Variants in NCAPD3 observed in about 807,000 individuals in gnomAD.
The protein encoded by NCAPD3 is non-SMC condensin II complex subunit D3.
Under a neutral mutation model 182.9 loss-of-function variants are expected in NCAPD3, and 105 were observed. That is an observed-to-expected ratio of 0.57 (90% confidence interval 0.49 to 0.68). NCAPD3 has a LOEUF of 0.68. NCAPD3 is among the 30% of genes least tolerant of loss of function. The pLI, the probability that NCAPD3 is intolerant of heterozygous loss-of-function variation, is 0.00. For missense variants in NCAPD3, 1,944 were observed against 1,837.0 expected (o/e 1.06, Z -1.07); for synonymous variants, 815 against 679.9 (o/e 1.20, Z -3.09).
chr11:134,209,478 C>T lies in NCAPD3; in HGVS notation c.568-1G>A, dbSNP rs1450639079. 6.2e-7 allele frequency: 1 copy of T among 1,608,196 alleles called. No individual in the cohort carries two copies. The highest frequency in any genetic ancestry group is 8.5e-7 in the Non-Finnish European group (1 of 1,177,918). On this transcript the variant is annotated splice_acceptor_variant, in intron 4 of 34. Coordinates refer to ENST00000534548, the MANE Select transcript of NCAPD3 (RefSeq NM_015261.3). LOFTEE classifies it high-confidence loss of function. ...CTTGTTCTTCTATAATTTCATCCAT[C>T]TAGATTATGAAGAAATGTACAGGTG...
intron 27 of NCAPD3, among the ~76,000 whole-genome samples, chr11:134,167,412 G>C (rs1411672452): frequency 8.2e-6 from 1 of 121,426 alleles, no homozygotes; most frequent in Non-Finnish European, 1.7e-5. Context: ...ACTCACTTGT[G>C]AGATGAGCTT....
chr11:134,157,142 A>T, intron 31 of NCAPD3, 47 bp from the exon 32 acceptor site: 3 of 1,455,980 alleles, frequency 2.1e-6, no homozygotes, highest in Non-Finnish European at 2.9e-6. Flanking sequence ...CCAAACAATA[A>T]CGAAGAGCAA....
chr11:134,156,718 C>T (rs1407817258), intron 32 of NCAPD3, among the ~76,000 whole-genome samples: 1 of 152,316 alleles, frequency 6.6e-6, no homozygotes, highest in Non-Finnish European at 1.5e-5. Context: ...GGGCCGCCTC[C>T]AGAAGGCACC....
chr11:134,209,474 C>A lies in NCAPD3; in HGVS notation c.571G>T (p.Asp191Tyr). The A allele has an allele frequency of 6.2e-7, 1 of 1,609,054 alleles. No individual in the cohort carries two copies. ...KPPRREDIEM[D>Y]EIIEEQEDEN... ...TCTTCTTGTTCTTCTATAATTTCAT[C>A]CATCTAGATTATGAAGAAATGTACA... The change falls in exon 5 of 35, where the codon GAT becomes TAT. Residue 191 changes from aspartate to tyrosine, a missense_variant. Transcript: ENST00000534548.
chr11:134,168,592 G>A lies in NCAPD3; in HGVS notation c.3250C>T (p.Leu1084=), dbSNP rs374207454. 6.8e-6 allele frequency: 11 copies of A among 1,613,982 alleles called. No homozygotes were observed. Among genetic ancestry groups the A allele is most frequent in the Non-Finnish European group, 9.3e-6 (11 of 1,180,026 alleles). ...KFPQSEREKR[L]FSLKGKSNKE... ...TTTGACTTTCCCTTCAATGAAAACA[G>A]CCGCTTCTCTCTGTGGCAGAACGGG... The change falls in exon 26 of 35, where the codon CTG becomes TTG. Residue 1084 remains leucine (L), a synonymous_variant. Coordinates refer to ENST00000534548, the MANE Select transcript of NCAPD3 (RefSeq NM_015261.3).
chr11:134,197,091 TC>T (rs1944647736), intron 13 of NCAPD3, among the ~76,000 whole-genome samples: 1 of 151,950 alleles, frequency 6.6e-6, no homozygotes, highest in Admixed American at 6.6e-5. Flanking sequence ...TGTGGCACCT[TC>T]CCCCTGACTC....
rs1438264742 is a variant in NCAPD3 at position 134,152,734 on chromosome 11, C to T, written c.*210G>A. On this transcript the variant is annotated 3_prime_UTR_variant, in exon 35 of 35. Transcript: ENST00000534548. ...CAGATTAGGGTAAGAAAATCTAAATCTGGCACATCTCTATTATTTGACAGT... is the reference window on the plus strand; with the variant it reads ...CAGATTAGGGTAAGAAAATCTAAATTTGGCACATCTCTATTATTTGACAGT... The T allele has an allele frequency of 1.5e-5, 7 of 461,566 alleles. No homozygotes were observed. The highest frequency in any genetic ancestry group is 3.8e-6 in the Non-Finnish European group (1 of 263,928). The allele number at this position is 461,566 out of a possible 1,614,324, so 28.6% of individuals were successfully genotyped here.
At chr11:134,219,453 G>A (rs970578975) in intron 2 of NCAPD3, among the ~76,000 whole-genome samples, 2 of 152,128 alleles carry the variant, frequency 1.3e-5, no homozygotes, top group African/African-American at 4.8e-5. Context: ...AGGTCCCTGG[G>A]GAGGACCTCA....
At position 134,194,024 on chromosome 11, in the gene NCAPD3, G is replaced by C; in HGVS notation, c.1816C>G (p.Leu606Val). Residue 606 changes from leucine to valine, a missense_variant, in exon 15 of 35, where the codon CTC becomes GTC. By Grantham distance (32) the Leu-to-Val change is conservative. This residue lies in a region of NCAPD3 where 1,803 missense variants were observed against 1,674.6 expected (regional missense o/e 1.08). Coordinates refer to ENST00000534548, the MANE Select transcript of NCAPD3 (RefSeq NM_015261.3). ...AATGTCCTGCCTCTCACCATAAGGA[G>C]TTCAGTAAGAGACTGGAGGGCCTGC... ...RKQALQSLTELLMAQPRCVQI... is the reference protein window; with the variant it reads ...RKQALQSLTEVLMAQPRCVQI... The C allele has an allele frequency of 2.5e-6, 4 of 1,613,698 alleles. No individual in the cohort carries two copies. In the South Asian group the frequency reaches 3.3e-5, roughly 13 times the overall value.
chr11:134,192,564 C>T lies in NCAPD3; in HGVS notation c.2045+125G>A, dbSNP rs973083460. The T allele has an allele frequency of 1.4e-5, 11 of 778,862 alleles. No individual in the cohort carries two copies. In the Admixed American group the frequency reaches 1.9e-4, roughly 13 times the overall value. The allele number at this position is 778,862 out of a possible 1,614,324, so 48.2% of individuals were successfully genotyped here. A position where few individuals can be genotyped will look rare whatever the true frequency, so the allele number is the denominator to read the frequency against. ...TCAGTCAGGGAAAGAGAGACCAATA[C>T]TTAATCTTCACATACACTAAGTAAT... On this transcript the variant is annotated intron_variant, in intron 16 of 34. Transcript: ENST00000534548.
intron 20 of NCAPD3, among the ~76,000 whole-genome samples, chr11:134,180,518 C>T (rs768873801): frequency 2.0e-5 from 3 of 152,180 alleles, no homozygotes; most frequent in Non-Finnish European, 2.9e-5. Flanking sequence ...TCCTGGCTCA[C>T]GGGAATTTCT....
At chr11:134,162,190 C>T (rs995783889) in intron 27 of NCAPD3, among the ~76,000 whole-genome samples, 3 of 152,176 alleles carry the variant, frequency 2.0e-5, no homozygotes, top group African/African-American at 7.2e-5. Context: ...CCCCAAATCT[C>T]CACAGAAGAC....
Position 134,208,960 on chromosome 11 carries a change from A to G in NCAPD3, c.795-9T>C, listed in dbSNP as rs1422651232. On this transcript the variant is annotated splice_polypyrimidine_tract_variant and intron_variant, in intron 6 of 34. Coordinates refer to ENST00000534548, the MANE Select transcript of NCAPD3 (RefSeq NM_015261.3). ...TTGCTTGGTTAAGAGCTCTAAAAAA[A>G]AAAGACGAAATATTAGTTAATGGAT... 6 of 1,585,014 alleles carry G rather than the reference A, an allele frequency of 3.8e-6. No homozygotes were observed. Among genetic ancestry groups the G allele is most frequent in the African/African-American group, 1.4e-5 (1 of 73,436 alleles).
chr11:134,204,304 T>G lies in NCAPD3; in HGVS notation c.1090-133A>C. 1 of 1,010,002 alleles carries G rather than the reference T, an allele frequency of 9.9e-7. No homozygotes were observed. Among genetic ancestry groups the G allele is most frequent in the Non-Finnish European group, 1.4e-6 (1 of 717,136 alleles). The allele number at this position is 1,010,002 out of a possible 1,614,324, so 62.6% of individuals were successfully genotyped here. On this transcript the variant is annotated intron_variant, in intron 9 of 34. Transcript: ENST00000534548. The surrounding 1 kb of genome is among the most constrained non-coding windows in gnomAD (Gnocchi z 4.3). ...CTTTAAATGTTACGTAAATGACTAATAAATTTTAGGTTTTAGAACACTTCA... is the reference window on the plus strand; with the variant it reads ...CTTTAAATGTTACGTAAATGACTAAGAAATTTTAGGTTTTAGAACACTTCA...
intron 22 of NCAPD3, chr11:134,177,718 A>G (rs184807725): frequency 6.5e-6 from 3 of 460,784 alleles, no homozygotes; most frequent in Admixed American, 7.6e-5. Flanking sequence ...CTTCCTTTTA[A>G]AGTCAACATT....
At chr11:134,160,153 G>T in intron 28 of NCAPD3, 79 bp from the exon 29 acceptor site, 1 of 1,463,052 alleles carries the variant, frequency 6.8e-7, no homozygotes, top group Non-Finnish European at 9.3e-7. Flanking sequence ...ACACACCTTC[G>T]CCTGTGTAAC....
At chr11:134,223,600 G>C (rs1591872029) in intron 1 of NCAPD3, 3 of 667,492 alleles carry the variant, frequency 4.5e-6, no homozygotes, top group Non-Finnish European at 8.3e-6. Context: ...AGAAGGGGAA[G>C]GCCGAGAAAA....
At chr11:134,217,536 T>G (rs1938072900) in intron 2 of NCAPD3, among the ~76,000 whole-genome samples, 1 of 152,164 alleles carries the variant, frequency 6.6e-6, no homozygotes, top group Non-Finnish European at 1.5e-5. Flanking sequence ...TTCTGCAGAT[T>G]GCAGGCAATG....
intron 22 of NCAPD3, chr11:134,178,060 A>G (rs1944212445): frequency 6.6e-6 from 1 of 152,304 alleles, no homozygotes; most frequent in South Asian, 2.1e-4. Context: ...CACTAAAGGA[A>G]AAATAAAAAA....
Sources: gnomAD v4.1 joint callset for allele counts (sites outside exome capture counted in the v4.1 genomes callset) on GRCh38, gnomAD v4.1.1 for gene constraint, gnomAD v4.1.1 regional missense constraint, Gnocchi (gnomAD v3.1) non-coding constraint, MANE v1.5 for transcripts, NCBI Gene and HGNC (gene_info 2026-07-23, HGNC 2026-07-21) for gene names.